ACTN1: variants seen among roughly 807,000 people sequenced by gnomAD.
ACTN1 encodes alpha-actinin-1.
Under a neutral mutation model 119.6 loss-of-function variants are expected in ACTN1, and 30 were observed. The observed-to-expected ratio is 0.25, with a 90% CI of 0.19 to 0.34. The LOEUF (loss-of-function observed/expected upper bound fraction) is 0.34, where lower values mean the gene tolerates loss of function less well. Among genes scored for constraint, ACTN1 ranks in the 10% least tolerant of loss-of-function variants. The probability of loss-of-function intolerance (pLI) is 1.00; values close to 1 mark genes in which losing one functional copy is unlikely to be tolerated. For missense variants in ACTN1, 764 were observed against 1,223.4 expected (o/e 0.62, Z 5.60); for synonymous variants, 429 against 472.6 (o/e 0.91, Z 1.20).
rs756686168 is a variant in ACTN1, at chr14:68,890,107, T to TG, written c.1234+31dup. 7 of 1,607,544 alleles carry TG rather than the reference T, an allele frequency of 4.4e-6. No individual in the cohort carries two copies. In the Admixed American group the frequency reaches 6.8e-5, roughly 16 times the overall value. Reference sequence around the variant, plus strand: ...GCTGAAGAGTAGGGAAGTGAAGCCCTGGGGGGAGGCAGGAGGCTGGGCTGG... The same window carrying TG: ...GCTGAAGAGTAGGGAAGTGAAGCCCTGGGGGGGAGGCAGGAGGCTGGGCTGG... On this transcript the variant is annotated intron_variant, in intron 11 of 21. Transcript: ENST00000394419.
intron 6 of ACTN1, among the ~76,000 whole-genome samples, chr14:68,905,982 C>CAAAA (rs755762604): frequency 2.1e-5 from 2 of 96,086 alleles, no homozygotes; most frequent in African/African-American, 3.9e-5. Context: ...GACCTCGTCT[C>CAAAA]AAAAAAAAAA....
Position 68,878,264 on chromosome 14 carries a change from C to T in ACTN1, c.2427+194G>A, listed in dbSNP as rs1272777424. Reference sequence around the variant, plus strand: ...AGATTGAGGCGAGGAGGTCAGGCCTCCCGGATACACACACGCCCGTGGCCG... The same window carrying T: ...AGATTGAGGCGAGGAGGTCAGGCCTTCCGGATACACACACGCCCGTGGCCG... On this transcript the variant is annotated intron_variant, in intron 20 of 21. Coordinates refer to ENST00000394419, the MANE Select transcript of ACTN1 (RefSeq NM_001130004.2). The surrounding 1 kb of genome is among the most constrained non-coding windows in gnomAD (Gnocchi z 4.4). 5.7e-6 allele frequency: 4 copies of T among 698,060 alleles called. No homozygotes were observed. Among genetic ancestry groups the T allele is most frequent in the Non-Finnish European group, 9.0e-6 (4 of 446,688 alleles). The allele number at this position is 698,060 out of a possible 1,614,324, so 43.2% of individuals were successfully genotyped here. A position where few individuals can be genotyped will look rare whatever the true frequency, so the allele number is the denominator to read the frequency against.
At chr14:68,883,891 CAG>C (rs200377010) in intron 14 of ACTN1, among the ~76,000 whole-genome samples, 2,740 of 152,266 alleles carry the variant, frequency 0.018, 37 homozygotes, top group Non-Finnish European at 0.026. Context: ...TGCTTGTGTG[CAG>C]AGACTGTAGT....
At chr14:68,887,578 CA>C in intron 11 of ACTN1, 7 of 1,381,964 alleles carry the variant, frequency 5.1e-6, no homozygotes, top group Non-Finnish European at 6.7e-6. Flanking sequence ...CTGGTTGTAC[CA>C]AAAAATAAAC....
At chr14:68,975,442 A>C (rs1308971230) in intron 1 of ACTN1, among the ~76,000 whole-genome samples, 1 of 152,174 alleles carries the variant, frequency 6.6e-6, no homozygotes, top group Non-Finnish European at 1.5e-5. Context: ...GCTCTTTTTT[A>C]TAAGTAGGGA....
At chr14:68,932,604 T>G (rs569414693) in intron 1 of ACTN1, among the ~76,000 whole-genome samples, 1 of 147,644 alleles carries the variant, frequency 6.8e-6, no homozygotes, top group East Asian at 2.2e-4. Context: ...GGGCCTCAAG[T>G]GATCCTCCCA....
intron 1 of ACTN1, among the ~76,000 whole-genome samples, chr14:68,967,877 T>A (rs1260673178): frequency 6.6e-6 from 1 of 152,224 alleles, no homozygotes; most frequent in African/African-American, 2.4e-5. Flanking sequence ...AGCAGTCTCT[T>A]GTCTTGCAGA....
chr14:68,932,603 G>C (rs1272619149), intron 1 of ACTN1, among the ~76,000 whole-genome samples: 1 of 140,848 alleles, frequency 7.1e-6, no homozygotes, highest in South Asian at 2.4e-4. Flanking sequence ...TGGGCCTCAA[G>C]TGATCCTCCC....
In ACTN1 at chr14:68,925,043, C is replaced by A. The variant is rs1353872777; in HGVS notation, c.220+515G>T. Reference sequence around the variant, plus strand: ...AGGTGAAGAGAGTAGCTAACATGGCCCAGTGTATCAACCAAGGCTAGACTC... The same window carrying A: ...AGGTGAAGAGAGTAGCTAACATGGCACAGTGTATCAACCAAGGCTAGACTC... On this transcript the variant is annotated intron_variant, in intron 2 of 21. Transcript: ENST00000394419. The surrounding 1 kb of genome is among the most constrained non-coding windows in gnomAD (Gnocchi z 4.3). Among the ~76,000 whole-genome samples the A allele has an allele frequency of 6.6e-6, 1 of 152,106 alleles. No individual in the cohort carries two copies. The highest frequency in any genetic ancestry group is 1.5e-5 in the Non-Finnish European group (1 of 68,020).
intron 1 of ACTN1, among the ~76,000 whole-genome samples, chr14:68,935,849 G>C (rs2035475878): frequency 6.7e-6 from 1 of 148,242 alleles, no homozygotes. Flanking sequence ...TAGCTGGGCA[G>C]TGGTGGGACA....
chr14:68,950,462 G>GTGTGTGTGTGTGTGTGTATGTATATA, intron 1 of ACTN1, among the ~76,000 whole-genome samples: 1 of 125,912 alleles, frequency 7.9e-6, no homozygotes, highest in African/African-American at 4.1e-5. Context: ...ATGCGTGTGT[G>GTGTGTGTGTGTGTGTGTATGTATATA]TATATATATA....
At chr14:68,889,557 G>A (rs1482644379) in intron 11 of ACTN1, among the ~76,000 whole-genome samples, 1 of 152,216 alleles carries the variant, frequency 6.6e-6, no homozygotes, top group Non-Finnish European at 1.5e-5. Context: ...CACTTCAGGA[G>A]GCAGAAGCAG....
chr14:68,945,914 A>G (rs2035929165), intron 1 of ACTN1, among the ~76,000 whole-genome samples: 1 of 152,206 alleles, frequency 6.6e-6, no homozygotes. Context: ...CAAGTGTTCT[A>G]CCAGTGTCAA....
intron 6 of ACTN1, among the ~76,000 whole-genome samples, chr14:68,905,417 G>T (rs2033606897): frequency 6.6e-6 from 1 of 152,144 alleles, no homozygotes; most frequent in Admixed American, 6.5e-5. Context: ...ATTCAACATG[G>T]TATTACATGG....
chr14:68,883,191 C>G, intron 14 of ACTN1, 136 bp from the exon 15 acceptor site: 1 of 938,942 alleles, frequency 1.1e-6, no homozygotes. Flanking sequence ...TGGCTGAGAA[C>G]CAGGATGGCA....
intron 1 of ACTN1, among the ~76,000 whole-genome samples, chr14:68,935,917 T>G (rs2035481007): frequency 6.6e-6 from 1 of 152,036 alleles, no homozygotes; most frequent in South Asian, 2.1e-4. Context: ...CCTCCCACTC[T>G]CCCGGAATCA....
At chr14:68,969,474 C>T (rs2036809087) in intron 1 of ACTN1, among the ~76,000 whole-genome samples, 1 of 152,196 alleles carries the variant, frequency 6.6e-6, no homozygotes. Context: ...ATCGGGAACT[C>T]GACTGGAAAG....
chr14:68,902,616 C>T, intron 7 of ACTN1, 54 bp from the exon 8 acceptor site: 1 of 1,480,850 alleles, frequency 6.8e-7, no homozygotes, highest in South Asian at 1.1e-5. Context: ...CACCATACAC[C>T]CCCGACGTGA....
At chr14:68,887,794 C>T in intron 11 of ACTN1, 1 of 988,446 alleles carries the variant, frequency 1.0e-6, no homozygotes, top group Non-Finnish European at 1.6e-6. Flanking sequence ...ATTAATCAGA[C>T]TCGGCTTCTT....
Sources: allele counts gnomAD v4.1 joint callset (sites outside exome capture counted in the v4.1 genomes callset), GRCh38; gene constraint gnomAD v4.1.1; non-coding constraint Gnocchi (gnomAD v3.1); transcripts MANE v1.5; gene names NCBI Gene and HGNC (gene_info 2026-07-23, HGNC 2026-07-21).